HDHD2: variants seen among roughly 807,000 people sequenced by gnomAD.
HDHD2 encodes the protein haloacid dehalogenase-like hydrolase domain-containing protein 2.
In HDHD2, 26 loss-of-function variants were observed where a neutral mutation model predicts 24.8. The observed-to-expected ratio is 1.05, with a 90% CI of 0.77 to 1.45. The LOEUF (loss-of-function observed/expected upper bound fraction) is 1.45, where lower values mean the gene tolerates loss of function less well. Among genes scored for constraint, HDHD2 ranks in the 40% most tolerant of loss-of-function variants. The pLI is 0.00. For synonymous variants in HDHD2, 128 were observed against 114.9 expected, an observed-to-expected ratio of 1.11 and a Z score of -0.73; for missense variants, 299 against 313.4, an observed-to-expected ratio of 0.95 and a Z score of 0.35.
chr18:47,118,180 T>C (rs2063572555), intron 4 of HDHD2, among the ~76,000 whole-genome samples: 1 of 152,070 alleles, frequency 6.6e-6, no homozygotes, highest in African/African-American at 2.4e-5. Context: ...GAAGGAGTGA[T>C]TTAAATTTAG....
chr18:47,122,298 G>A (rs2063614691), intron 4 of HDHD2, among the ~76,000 whole-genome samples: 1 of 152,146 alleles, frequency 6.6e-6, no homozygotes, highest in Non-Finnish European at 1.5e-5. Context: ...GTGAGCTTCA[G>A]TTTCAAATGA....
In HDHD2 at chr18:47,108,522, G is replaced by C. The variant is rs545394474; in HGVS notation, c.*160C>G. 2.1e-6 allele frequency: 1 copy of C among 468,988 alleles called. No homozygotes were observed. The highest frequency in any genetic ancestry group is 3.7e-6 in the Non-Finnish European group (1 of 269,104). 29.1% of individuals were successfully genotyped at this position (468,988 alleles called of 1,614,324 possible). Reference sequence around the variant, plus strand: ...GATTAGCAAGGCTTACTGGCTAGCCGCAATTCAATACCTTTCTTTCTAATT... The same window carrying C: ...GATTAGCAAGGCTTACTGGCTAGCCCCAATTCAATACCTTTCTTTCTAATT... On this transcript the variant is annotated 3_prime_UTR_variant, in exon 7 of 7. Coordinates refer to ENST00000300605, the MANE Select transcript of HDHD2 (RefSeq NM_032124.5).
intron 4 of HDHD2, among the ~76,000 whole-genome samples, chr18:47,119,392 T>C (rs2063585017): frequency 6.6e-6 from 1 of 152,236 alleles, no homozygotes; most frequent in East Asian, 1.9e-4. Context: ...AATCTTCTGT[T>C]GTTATTTCAA....
chr18:47,137,964 C>T (rs1251512079), intron 1 of HDHD2, among the ~76,000 whole-genome samples: 1 of 151,082 alleles, frequency 6.6e-6, no homozygotes, highest in African/African-American at 2.4e-5. Context: ...GTCAGGAGTT[C>T]GAGACCAGCG....
chr18:47,121,247 G>A (rs2063603760), intron 4 of HDHD2, among the ~76,000 whole-genome samples: 1 of 152,116 alleles, frequency 6.6e-6, no homozygotes. Flanking sequence ...TGCAGATTAA[G>A]TACTGGTCAA....
intron 6 of HDHD2, chr18:47,110,212 A>G (rs1263410375): frequency 2.0e-6 from 2 of 985,320 alleles, no homozygotes; most frequent in Admixed American, 6.1e-5. Flanking sequence ...TCTTTTCCAC[A>G]TCTTTGCATC....
chr18:47,137,455 A>C, intron 1 of HDHD2: 1 of 222,008 alleles, frequency 4.5e-6, no homozygotes, highest in South Asian at 7.1e-5. Flanking sequence ...TACAGTACAC[A>C]AAGTAACTGG....
chr18:47,136,025 A>AT (rs1323452921), intron 2 of HDHD2, among the ~76,000 whole-genome samples: 2 of 152,044 alleles, frequency 1.3e-5, no homozygotes, highest in African/African-American at 2.4e-5. Flanking sequence ...TTCATTTGTG[A>AT]TTTTTTCCAA....
At position 47,108,675 on chromosome 18, in the gene HDHD2, C is replaced by T. The variant is rs749435154; in HGVS notation, c.*7G>A. 5.4e-6 allele frequency: 8 copies of T among 1,471,176 alleles called. No individual in the cohort carries two copies. The East Asian group carries it at 1.1e-4, about 21-fold the overall frequency. The allele number at this position is 1,471,176 out of a possible 1,614,324, so 91.1% of individuals were successfully genotyped here. Reference sequence around the variant, plus strand: ...CATTTCAAGTTGCTTCAGATGCACACACTGCTTCACAATAGGTGCTGCAGA... The same window carrying T: ...CATTTCAAGTTGCTTCAGATGCACATACTGCTTCACAATAGGTGCTGCAGA... On this transcript the variant is annotated 3_prime_UTR_variant, in exon 7 of 7. Coordinates refer to ENST00000300605, the MANE Select transcript of HDHD2 (RefSeq NM_032124.5).
intron 6 of HDHD2, chr18:47,110,452 G>A (rs980999830): frequency 1.0e-6 from 1 of 984,918 alleles, no homozygotes; most frequent in Non-Finnish European, 1.2e-6. Context: ...GATCTTACAG[G>A]TAAGTTAATG....
intron 1 of HDHD2, among the ~76,000 whole-genome samples, chr18:47,148,170 T>C (rs2063892490): frequency 8.5e-5 from 13 of 152,098 alleles, no homozygotes; most frequent in Admixed American, 8.5e-4. Flanking sequence ...TTTGTACTTT[T>C]AGTAGAGACG....
At chr18:47,144,688 A>G (rs1568063285) in intron 1 of HDHD2, among the ~76,000 whole-genome samples, 1 of 151,862 alleles carries the variant, frequency 6.6e-6, no homozygotes, top group Non-Finnish European at 1.5e-5. Flanking sequence ...AGTCCTAGCT[A>G]CTTGGGAGGC....
intron 4 of HDHD2, among the ~76,000 whole-genome samples, chr18:47,128,229 G>A (rs945332459): frequency 6.6e-6 from 1 of 152,180 alleles, no homozygotes; most frequent in African/African-American, 2.4e-5. Flanking sequence ...TCAGTATTAT[G>A]TCAACATACA....
chr18:47,116,549 A>T (rs1158813957), intron 4 of HDHD2, among the ~76,000 whole-genome samples: 1 of 152,248 alleles, frequency 6.6e-6, no homozygotes, highest in African/African-American at 2.4e-5. Flanking sequence ...TAGTTACTAC[A>T]AATTGCTCAC....
chr18:47,124,793 G>A (rs2063642456), intron 4 of HDHD2, among the ~76,000 whole-genome samples: 2 of 151,290 alleles, frequency 1.3e-5, no homozygotes, highest in South Asian at 2.1e-4. Context: ...TTGAATGGGT[G>A]CATCACAACA....
chr18:47,130,822 T>A (rs2063706880), intron 3 of HDHD2, among the ~76,000 whole-genome samples: 1 of 152,226 alleles, frequency 6.6e-6, no homozygotes, highest in Non-Finnish European at 1.5e-5. Context: ...TGAAATGCAC[T>A]GCAGAGTCTA....
At chr18:47,115,445 C>G in intron 4 of HDHD2, 97 bp from the exon 5 acceptor site, 1 of 738,456 alleles carries the variant, frequency 1.4e-6, no homozygotes. Flanking sequence ...GTATTCACAC[C>G]CACAGAAACA....
chr18:47,134,979 C>T (rs550155610), intron 2 of HDHD2, among the ~76,000 whole-genome samples: 77 of 152,318 alleles, frequency 5.1e-4, no homozygotes, highest in African/African-American at 1.8e-3. Context: ...CACTGATTAA[C>T]AGACATCCAT....
intron 5 of HDHD2, among the ~76,000 whole-genome samples, chr18:47,114,444 A>G (rs2063540692): frequency 6.6e-6 from 1 of 152,202 alleles, no homozygotes. Flanking sequence ...CCAGCTTGAC[A>G]TGTTATTATT....
Sources: allele counts gnomAD v4.1 joint callset (sites outside exome capture counted in the v4.1 genomes callset), GRCh38; gene constraint gnomAD v4.1.1; transcripts MANE v1.5; gene names NCBI Gene and HGNC (gene_info 2026-07-23, HGNC 2026-07-21).